Variants in COMMD10 observed in about 807,000 individuals in gnomAD.
COMMD10 encodes the protein COMM domain containing 10, also known as COMM domain-containing protein 10.
A neutral mutation model predicts 28.9 loss-of-function variants in COMMD10; 33 were observed. That is an observed-to-expected ratio of 1.14 (90% CI 0.87 to 1.53). The LOEUF (loss-of-function observed/expected upper bound fraction) is 1.53. COMMD10 is among the 40% of genes most tolerant of loss of function. The probability of loss-of-function intolerance (pLI) is 0.00; values close to 1 mark genes in which losing one functional copy is unlikely to be tolerated. For missense variants in COMMD10, 310 were observed against 233.4 expected (o/e 1.33, Z -2.14); for synonymous variants, 110 against 81.7 (o/e 1.35, Z -1.87).
At chr5:116,183,071 A>G (rs146596325) in intron 5 of COMMD10, among the ~76,000 whole-genome samples, 390 of 152,264 alleles carry the variant, frequency 2.6e-3, no homozygotes, top group Non-Finnish European at 4.4e-3. Context: ...TTTTCTTTGC[A>G]AATTACCCAG....
intron 5 of COMMD10, among the ~76,000 whole-genome samples, chr5:116,139,530 A>G (rs1207744558): frequency 6.6e-6 from 1 of 151,672 alleles, no homozygotes; most frequent in African/African-American, 2.4e-5. Context: ...TGGTGTTAGT[A>G]TTGACTGATT....
chr5:116,130,538 T>C (rs1013445632), intron 4 of COMMD10, among the ~76,000 whole-genome samples: 1 of 151,984 alleles, frequency 6.6e-6, no homozygotes, highest in Non-Finnish European at 1.5e-5. Context: ...AGTCCTCTAC[T>C]TAGGGAGTGG....
At chr5:116,194,767 G>A (rs1314331769) in intron 5 of COMMD10, among the ~76,000 whole-genome samples, 11 of 152,084 alleles carry the variant, frequency 7.2e-5, no homozygotes, top group Admixed American at 6.6e-4. Context: ...CAATCCTTTT[G>A]ATACTATTCC....
chr5:116,194,054 G>T (rs1748441474), intron 5 of COMMD10, among the ~76,000 whole-genome samples: 1 of 152,110 alleles, frequency 6.6e-6, no homozygotes. Context: ...TAAATAACTT[G>T]CTCCTGAATG....
chr5:116,251,039 G>C (rs1750097580), intron 5 of COMMD10, among the ~76,000 whole-genome samples: 1 of 151,884 alleles, frequency 6.6e-6, no homozygotes, highest in African/African-American at 2.4e-5. Flanking sequence ...AGTGAAGCTT[G>C]CCCGTATCCA....
At chr5:116,239,662 T>C (rs1749762715) in intron 5 of COMMD10, among the ~76,000 whole-genome samples, 1 of 152,192 alleles carries the variant, frequency 6.6e-6, no homozygotes. Context: ...AGCTGTCATT[T>C]GATCAGAATC....
chr5:116,283,859 G>T (rs1458025998), intron 5 of COMMD10, among the ~76,000 whole-genome samples: 1 of 151,834 alleles, frequency 6.6e-6, no homozygotes, highest in Non-Finnish European at 1.5e-5. Context: ...GCCAGGTACA[G>T]TGGCTCATGC....
intron 5 of COMMD10, among the ~76,000 whole-genome samples, chr5:116,237,268 T>C (rs1470865224): frequency 6.6e-6 from 1 of 152,150 alleles, no homozygotes; most frequent in Non-Finnish European, 1.5e-5. Context: ...TGAAATGGGC[T>C]GCGTCACTAG....
chr5:116,214,872 C>G (rs1749057569), intron 5 of COMMD10, among the ~76,000 whole-genome samples: 1 of 152,034 alleles, frequency 6.6e-6, no homozygotes, highest in South Asian at 2.1e-4. Context: ...AAAATACGAT[C>G]TCTTTTATAA....
intron 5 of COMMD10, among the ~76,000 whole-genome samples, chr5:116,275,245 C>T (rs1750872253): frequency 6.6e-6 from 1 of 151,848 alleles, no homozygotes; most frequent in Non-Finnish European, 1.5e-5. Context: ...TAGTCTGTTG[C>T]TTCTATGCTA....
chr5:116,271,675 C>G (rs1356635570), intron 5 of COMMD10, among the ~76,000 whole-genome samples: 13 of 151,900 alleles, frequency 8.6e-5, no homozygotes, highest in Admixed American at 5.9e-4. Context: ...TTAGAAGGAG[C>G]CTATGTCTAC....
At chr5:116,273,527 A>G (rs1282678834) in intron 5 of COMMD10, among the ~76,000 whole-genome samples, 2 of 151,868 alleles carry the variant, frequency 1.3e-5, no homozygotes, top group African/African-American at 4.9e-5. Flanking sequence ...GATATTTAGA[A>G]GTTTGTTTTA....
intron 4 of COMMD10, among the ~76,000 whole-genome samples, chr5:116,124,407 A>G (rs544713069): frequency 6.6e-6 from 1 of 152,268 alleles, no homozygotes; most frequent in East Asian, 1.9e-4. Flanking sequence ...CCTGAGTTCT[A>G]GTTTGATTGC....
intron 4 of COMMD10, among the ~76,000 whole-genome samples, chr5:116,102,278 A>C (rs1171658823): frequency 6.6e-6 from 1 of 152,160 alleles, no homozygotes; most frequent in Admixed American, 6.5e-5. Context: ...GCTTTTGGCA[A>C]TGCAGTTTTC....
intron 5 of COMMD10, among the ~76,000 whole-genome samples, chr5:116,257,458 A>G (rs1399689399): frequency 2.6e-5 from 4 of 151,752 alleles, no homozygotes; most frequent in African/African-American, 9.7e-5. Flanking sequence ...TAATTTTCAT[A>G]TGAAATTTAT....
At chr5:116,261,160 C>G (rs77537278) in intron 5 of COMMD10, among the ~76,000 whole-genome samples, 4,435 of 151,784 alleles carry the variant, frequency 0.029, 122 homozygotes, top group East Asian at 0.14. Context: ...AAAACTATAA[C>G]TAATTAAATT....
At chr5:116,181,735 G>C (rs1031845455) in intron 5 of COMMD10, among the ~76,000 whole-genome samples, 1 of 151,760 alleles carries the variant, frequency 6.6e-6, no homozygotes, top group African/African-American at 2.4e-5. Context: ...TGAGAAGGAA[G>C]GTTTTTTAAT....
At chr5:116,246,332 A>T (rs1749950895) in intron 5 of COMMD10, among the ~76,000 whole-genome samples, 1 of 151,992 alleles carries the variant, frequency 6.6e-6, no homozygotes, top group Non-Finnish European at 1.5e-5. Flanking sequence ...AAGAAATCAG[A>T]AGTGACACAA....
intron 5 of COMMD10, among the ~76,000 whole-genome samples, chr5:116,178,588 A>G (rs1381421789): frequency 6.6e-6 from 1 of 152,062 alleles, no homozygotes; most frequent in Non-Finnish European, 1.5e-5. Context: ...GATGCCCCCT[A>G]TTTGAGTTCC....
Sources: gnomAD v4.1 joint callset for allele counts (sites outside exome capture counted in the v4.1 genomes callset) on GRCh38, gnomAD v4.1.1 for gene constraint, MANE v1.5 for transcripts, NCBI Gene and HGNC (gene_info 2026-07-23, HGNC 2026-07-21) for gene names.